LINGO2: variants seen among roughly 807,000 people sequenced by gnomAD.
The protein encoded by LINGO2 is leucine-rich repeat and immunoglobulin-like domain-containing nogo receptor-interacting protein 2.
A neutral mutation model predicts 30.6 loss-of-function variants in LINGO2; 14 were observed. That is an observed-to-expected ratio of 0.46 (90% CI 0.30 to 0.72). The LOEUF (loss-of-function observed/expected upper bound fraction) is 0.72, where lower values mean the gene tolerates loss of function less well. Among genes scored for constraint, LINGO2 ranks in the 30% least tolerant of loss-of-function variants. The probability of loss-of-function intolerance (pLI) is 0.07; values close to 1 mark genes in which losing one functional copy is unlikely to be tolerated. For synonymous variants in LINGO2, 317 were observed against 288.5 expected, an observed-to-expected ratio of 1.10 and a Z score of -1.00; for missense variants, 729 against 751.7, an observed-to-expected ratio of 0.97 and a Z score of 0.35.
chr9:28,167,068 A>C (rs1249196428), intron 4 of LINGO2, among the ~76,000 whole-genome samples: 2 of 151,636 alleles, frequency 1.3e-5, no homozygotes, highest in African/African-American at 2.4e-5. Flanking sequence ...CTATGGGTAC[A>C]TGGTTTATTA....
intron 4 of LINGO2, among the ~76,000 whole-genome samples, chr9:28,198,287 G>T (rs60956859): frequency 6.6e-6 from 1 of 151,470 alleles, no homozygotes; most frequent in Non-Finnish European, 1.5e-5. Context: ...GTTACAGAAT[G>T]CTGTGTATAC....
chr9:29,009,782 C>T, the LINGO2 span, among the ~76,000 whole-genome samples: 1 of 152,250 alleles, frequency 6.6e-6, no homozygotes, highest in East Asian at 1.9e-4. Flanking sequence ...TCAAACTATA[C>T]TACAAGGCTA....
chr9:28,556,252 G>T (rs1213337181), intron 1 of LINGO2, among the ~76,000 whole-genome samples: 1 of 152,020 alleles, frequency 6.6e-6, no homozygotes, highest in Non-Finnish European at 1.5e-5. Flanking sequence ...AAACCCCATA[G>T]TCTCAGCCCA....
the LINGO2 span, among the ~76,000 whole-genome samples, chr9:29,164,546 T>C: frequency 1.6e-5 from 2 of 121,294 alleles, no homozygotes; most frequent in African/African-American, 6.7e-5. Flanking sequence ...AGTTGTAAAG[T>C]AGAAGTCAAC....
chr9:28,540,086 C>T (rs773289603), intron 1 of LINGO2, among the ~76,000 whole-genome samples: 1 of 152,176 alleles, frequency 6.6e-6, no homozygotes, highest in Non-Finnish European at 1.5e-5. Flanking sequence ...TAAAAGACAT[C>T]GCACAACTCT....
chr9:28,751,752 G>C, the LINGO2 span, among the ~76,000 whole-genome samples: 2 of 151,700 alleles, frequency 1.3e-5, no homozygotes, highest in Non-Finnish European at 2.9e-5. Context: ...AACAAGTTAT[G>C]GATTCCCTAA....
chr9:27,959,417 T>A (rs1040240224), intron 5 of LINGO2, among the ~76,000 whole-genome samples: 6 of 152,192 alleles, frequency 3.9e-5, no homozygotes, highest in Non-Finnish European at 4.4e-5. Flanking sequence ...CCTTTCTACA[T>A]GCTTTAGCTA....
chr9:28,508,532 C>A (rs1820243594), intron 1 of LINGO2, among the ~76,000 whole-genome samples: 1 of 151,816 alleles, frequency 6.6e-6, no homozygotes, highest in African/African-American at 2.4e-5. Context: ...TTTAAAAAGT[C>A]TAGCCCATAT....
chr9:29,007,968 G>T, the LINGO2 span, among the ~76,000 whole-genome samples: 1 of 152,030 alleles, frequency 6.6e-6, no homozygotes, highest in African/African-American at 2.4e-5. Context: ...GGGTACATGT[G>T]CACAACATGC....
the LINGO2 span, among the ~76,000 whole-genome samples, chr9:28,916,313 A>G: frequency 3.9e-5 from 6 of 152,176 alleles, no homozygotes; most frequent in African/African-American, 1.4e-4. Context: ...CATTCTGTAG[A>G]GAATTCTCTT....
the LINGO2 span, among the ~76,000 whole-genome samples, chr9:29,156,604 A>G: frequency 0.2 from 31,031 of 151,980 alleles, 3,426 homozygotes; most frequent in East Asian, 0.37. Context: ...TTATGCCACT[A>G]TGTTTCTTCT....
At chr9:28,454,375 A>G (rs1299349005) in intron 2 of LINGO2, among the ~76,000 whole-genome samples, 3 of 152,118 alleles carry the variant, frequency 2.0e-5, no homozygotes, top group African/African-American at 7.2e-5. Context: ...ACACACAAAC[A>G]CAGGCCACCT....
the LINGO2 span, among the ~76,000 whole-genome samples, chr9:28,685,240 T>C: frequency 6.6e-6 from 1 of 152,182 alleles, no homozygotes; most frequent in East Asian, 1.9e-4. Flanking sequence ...TGATGAGCAT[T>C]TAGGTTTATT....
chr9:28,660,967 T>C (rs1828560108), intron 1 of LINGO2, among the ~76,000 whole-genome samples: 1 of 152,126 alleles, frequency 6.6e-6, no homozygotes, highest in South Asian at 2.1e-4. Flanking sequence ...CAAATCTAGA[T>C]GACCATTAAC....
intron 4 of LINGO2, among the ~76,000 whole-genome samples, chr9:28,289,339 A>G (rs1011310804): frequency 2.6e-5 from 4 of 152,230 alleles, no homozygotes; most frequent in Non-Finnish European, 4.4e-5. Context: ...TCCAGAGGAC[A>G]CTTCTAAATC....
At chr9:28,409,078 G>A (rs988650848) in intron 2 of LINGO2, among the ~76,000 whole-genome samples, 4 of 151,936 alleles carry the variant, frequency 2.6e-5, no homozygotes, top group African/African-American at 9.7e-5. Flanking sequence ...CTCCCACTGG[G>A]CACCTGTCTA....
chr9:28,334,629 C>A (rs566877079), intron 3 of LINGO2, among the ~76,000 whole-genome samples: 1 of 151,960 alleles, frequency 6.6e-6, no homozygotes, highest in Non-Finnish European at 1.5e-5. Context: ...GTTTGGGTGG[C>A]GTAGTGGTTA....
chr9:28,328,438 TA>T (rs1186750498), intron 3 of LINGO2, among the ~76,000 whole-genome samples: 1 of 152,130 alleles, frequency 6.6e-6, no homozygotes, highest in Non-Finnish European at 1.5e-5. Flanking sequence ...CAACCAAACA[TA>T]TGCCTTCAGC....
At chr9:28,020,194 G>A (rs909341199) in intron 4 of LINGO2, among the ~76,000 whole-genome samples, 1 of 152,180 alleles carries the variant, frequency 6.6e-6, no homozygotes, top group African/African-American at 2.4e-5. Flanking sequence ...TGTTGGAACT[G>A]GGCAGGAGCA....
Sources: allele counts gnomAD v4.1 joint callset (sites outside exome capture counted in the v4.1 genomes callset), GRCh38; gene constraint gnomAD v4.1.1; transcripts MANE v1.5; gene names NCBI Gene and HGNC (gene_info 2026-07-23, HGNC 2026-07-21).